Variants in GALNT9 observed in about 807,000 individuals in gnomAD.
GALNT9 encodes the protein GalNAc transferase 9.
Under a neutral mutation model 63.1 loss-of-function variants are expected in GALNT9, and 47 were observed. That is an observed-to-expected ratio of 0.75 (90% CI 0.59 to 0.95). The LOEUF (loss-of-function observed/expected upper bound fraction) is 0.95, where lower values mean the gene tolerates loss of function less well. Among genes scored for constraint, GALNT9 ranks in the 40% least tolerant of loss-of-function variants. The pLI, the probability that GALNT9 is intolerant of heterozygous loss-of-function variation, is 0.00. For synonymous variants in GALNT9, 396 were observed against 365.7 expected (o/e 1.08, Z -0.94); for missense variants, 829 against 874.8 (o/e 0.95, Z 0.66).
chr12:132,227,122 C>A (rs1358150404), intron 6 of GALNT9, among the ~76,000 whole-genome samples: 2 of 152,068 alleles, frequency 1.3e-5, no homozygotes, highest in African/African-American at 4.8e-5. Flanking sequence ...TGAAAATATG[C>A]GTTTCCTGAG....
chr12:132,240,244 G>T (rs2136897927), intron 6 of GALNT9, among the ~76,000 whole-genome samples: 1 of 152,136 alleles, frequency 6.6e-6, no homozygotes, highest in East Asian at 1.9e-4. Flanking sequence ...CAGGGATCTG[G>T]AATATGACCA....
chr12:132,216,510 G>A (rs11834862), intron 6 of GALNT9, among the ~76,000 whole-genome samples: 38,542 of 152,254 alleles, frequency 0.25, 4,997 homozygotes, highest in Middle Eastern at 0.41. Flanking sequence ...CTGCAGCCTC[G>A]GAGGACGGGG....
At chr12:132,239,311 C>A (rs1210029602) in intron 6 of GALNT9, among the ~76,000 whole-genome samples, 1 of 79,958 alleles carries the variant, frequency 1.3e-5, no homozygotes, top group Non-Finnish European at 2.2e-5. Flanking sequence ...GAGACACACA[C>A]TGAGAGACTG....
At chr12:132,293,401 G>A (rs1880932939) in intron 1 of GALNT9, among the ~76,000 whole-genome samples, 1 of 152,216 alleles carries the variant, frequency 6.6e-6, no homozygotes, top group Non-Finnish European at 1.5e-5. Flanking sequence ...TTTTCCATGT[G>A]TTTCTGCATA....
intron 6 of GALNT9, among the ~76,000 whole-genome samples, chr12:132,217,125 A>G (rs1279399054): frequency 6.6e-6 from 1 of 152,050 alleles, no homozygotes; most frequent in African/African-American, 2.4e-5. Context: ...TCATCCACCC[A>G]TTTACCCATC....
chr12:132,303,630 GAATCGCCCAGACACAC>G (rs1555244139), intron 1 of GALNT9, among the ~76,000 whole-genome samples: 14 of 23,242 alleles, frequency 6.0e-4, no homozygotes, highest in African/African-American at 2.3e-3. Context: ...CCCGGGCACA[GAATCGCCCAGACACAC>G]CCTCGCCTGG....
intron 1 of GALNT9, among the ~76,000 whole-genome samples, chr12:132,304,877 A>G (rs1442323637): frequency 2.9e-4 from 10 of 34,168 alleles, no homozygotes; most frequent in Admixed American, 6.3e-4. Flanking sequence ...GCCCAGACAC[A>G]CCCTCACCGG....
intron 7 of GALNT9, 113 bp downstream of exon 7, chr12:132,203,392 A>G (rs1181529169): frequency 7.9e-6 from 7 of 886,532 alleles, no homozygotes; most frequent in African/African-American, 1.7e-5. Flanking sequence ...CTGTCAACAC[A>G]CCCACTCACA....
intron 1 of GALNT9, among the ~76,000 whole-genome samples, chr12:132,320,312 G>A (rs1555246017): frequency 6.6e-6 from 1 of 152,196 alleles, no homozygotes; most frequent in African/African-American, 2.4e-5. Context: ...TTCCGATTCC[G>A]CCTCGAGGAC....
chr12:132,207,695 CTGGGCTGCTTCAGTCTCCGGGCT>C (rs1182499269), intron 6 of GALNT9, among the ~76,000 whole-genome samples: 7 of 152,204 alleles, frequency 4.6e-5, no homozygotes, highest in Non-Finnish European at 7.3e-5. Context: ...CAGCCGGGGA[CTGGGCTGCTTCAGTCTCCGGGCT>C]TGGGCCGCAG....
intron 1 of GALNT9, among the ~76,000 whole-genome samples, chr12:132,323,799 G>C (rs571687830): frequency 5.1e-4 from 77 of 152,376 alleles, no homozygotes; most frequent in African/African-American, 1.8e-3. Flanking sequence ...TGGGGAAGCT[G>C]TGAACCTCGG....
chr12:132,275,367 G>A (rs1006984192), intron 2 of GALNT9: 4 of 152,420 alleles, frequency 2.6e-5, no homozygotes, highest in African/African-American at 7.2e-5. Context: ...AGCCAGGAGA[G>A]GTTGGCTGGG....
chr12:132,321,491 C>T (rs1334671656), intron 1 of GALNT9, among the ~76,000 whole-genome samples: 7 of 152,314 alleles, frequency 4.6e-5, no homozygotes, highest in Non-Finnish European at 8.8e-5. Context: ...TGGCATGGTC[C>T]GGAGCCTGGG....
At chr12:132,240,253 C>G (rs1318473378) in intron 6 of GALNT9, among the ~76,000 whole-genome samples, 1 of 152,100 alleles carries the variant, frequency 6.6e-6, no homozygotes, top group African/African-American at 2.4e-5. Flanking sequence ...GGAATATGAC[C>G]AAGTCAGGCG....
chr12:132,259,434 C>T (rs918166071), intron 4 of GALNT9, among the ~76,000 whole-genome samples: 2 of 152,136 alleles, frequency 1.3e-5, no homozygotes, highest in South Asian at 2.1e-4. Context: ...ATGCACAACA[C>T]GTCAGAAGCT....
chr12:132,228,357 TCCCTCCCC>T (rs1877775708), intron 6 of GALNT9, among the ~76,000 whole-genome samples: 1 of 141,172 alleles, frequency 7.1e-6, no homozygotes, highest in Non-Finnish European at 1.6e-5. Flanking sequence ...ACCTCCTCGC[TCCCTCCCC>T]AGAGGAAGGG....
chr12:132,279,254 C>T lies in GALNT9; in HGVS notation c.419+6996G>A, dbSNP rs1217302924. ...TCAGTGAAGGGCATTCCCCAGACTG[C>T]TGGCTGTGACTGGGTCCCAGATAAG... On this transcript the variant is annotated intron_variant, in intron 2 of 10. Transcript: ENST00000328957. The surrounding 1 kb of genome is among the most constrained non-coding windows in gnomAD (Gnocchi z 4.1). 1.3e-5 allele frequency: 2 copies of T among 152,272 alleles called. No individual in the cohort carries two copies. The highest frequency in any genetic ancestry group is 2.9e-5 in the Non-Finnish European group (2 of 68,078). The allele number at this position is 152,272 out of a possible 1,614,324, so 9.4% of individuals were successfully genotyped here.
At chr12:132,229,984 C>T (rs1006849463) in intron 6 of GALNT9, among the ~76,000 whole-genome samples, 54 of 152,192 alleles carry the variant, frequency 3.5e-4, no homozygotes, top group Admixed American at 5.2e-4. Flanking sequence ...TGCACATTCC[C>T]GGACCCTTCT....
chr12:132,243,406 G>C (rs777157794), intron 6 of GALNT9, among the ~76,000 whole-genome samples: 3 of 151,562 alleles, frequency 2.0e-5, no homozygotes, highest in Admixed American at 2.0e-4. Flanking sequence ...TCTCTGGTGG[G>C]GGCCCCAGTC....
Sources: gnomAD v4.1 joint callset for allele counts (sites outside exome capture counted in the v4.1 genomes callset) on GRCh38, gnomAD v4.1.1 for gene constraint, Gnocchi (gnomAD v3.1) non-coding constraint, MANE v1.5 for transcripts, NCBI Gene and HGNC (gene_info 2026-07-23, HGNC 2026-07-21) for gene names.